LRRC1: variants seen among roughly 807,000 people sequenced by gnomAD.
LRRC1 encodes the protein leucine rich repeat containing 1.
LRRC1 carries 28 observed loss-of-function variants against 69.9 expected under a neutral mutation model. The ratio of observed to expected loss-of-function variants is 0.40; its 90% CI spans 0.30 to 0.55. The LOEUF is 0.55. LRRC1 is among the 20% of genes least tolerant of loss of function. The pLI is 0.47. For synonymous variants in LRRC1, 236 were observed against 240.2 expected (o/e 0.98, Z 0.16); for missense variants, 498 against 609.0 (o/e 0.82, Z 1.92).
At chr6:53,883,122 A>G in intron 4 of LRRC1, 146 bp downstream of exon 4, 1 of 589,418 alleles carries the variant, frequency 1.7e-6, no homozygotes, top group Non-Finnish European at 2.9e-6. Flanking sequence ...GAAAGATTAT[A>G]GCCAGCCTCC....
intron 2 of LRRC1, among the ~76,000 whole-genome samples, chr6:53,842,618 G>T (rs954181923): frequency 2.0e-5 from 3 of 152,120 alleles, no homozygotes; most frequent in Admixed American, 6.6e-5. Context: ...CACTTATTTT[G>T]CTGAACATGA....
intron 1 of LRRC1, among the ~76,000 whole-genome samples, chr6:53,834,116 G>A (rs576709567): frequency 9.2e-5 from 14 of 152,184 alleles, no homozygotes; most frequent in African/African-American, 2.4e-4. Flanking sequence ...TTGCTGTATC[G>A]TATTATAAAC....
intron 11 of LRRC1, among the ~76,000 whole-genome samples, chr6:53,914,453 G>T (rs1768505639): frequency 6.6e-6 from 1 of 152,150 alleles, no homozygotes; most frequent in Non-Finnish European, 1.5e-5. Flanking sequence ...TGTATTTAGG[G>T]AAGTGTTTAC....
At chr6:53,810,036 T>G (rs1764747072) in intron 1 of LRRC1, among the ~76,000 whole-genome samples, 1 of 152,144 alleles carries the variant, frequency 6.6e-6, no homozygotes. Flanking sequence ...TTATTTTAAA[T>G]TTTGACTCTG....
chr6:53,867,584 T>C (rs1341600712), intron 2 of LRRC1, among the ~76,000 whole-genome samples: 1 of 152,234 alleles, frequency 6.6e-6, no homozygotes, highest in Non-Finnish European at 1.5e-5. Context: ...TCAAATTTTA[T>C]GCTTTTATTC....
At chr6:53,921,242 A>G (rs1162960105) in intron 13 of LRRC1, among the ~76,000 whole-genome samples, 1 of 152,206 alleles carries the variant, frequency 6.6e-6, no homozygotes, top group Non-Finnish European at 1.5e-5. Flanking sequence ...TGCTGGGACT[A>G]CAGGCATGAG....
intron 2 of LRRC1, among the ~76,000 whole-genome samples, chr6:53,842,851 G>T (rs1765833023): frequency 6.6e-6 from 1 of 152,216 alleles, no homozygotes; most frequent in Admixed American, 6.5e-5. Context: ...TGGTATATTT[G>T]TGAGTTTATT....
chr6:53,795,740 C>A (rs1227501433), intron 1 of LRRC1, among the ~76,000 whole-genome samples: 1 of 152,184 alleles, frequency 6.6e-6, no homozygotes, highest in Admixed American at 6.5e-5. Flanking sequence ...AGGTGAGAAG[C>A]CGGGTGATTC....
At chr6:53,804,834 G>T (rs538571371) in intron 1 of LRRC1, among the ~76,000 whole-genome samples, 1 of 152,282 alleles carries the variant, frequency 6.6e-6, no homozygotes, top group African/African-American at 2.4e-5. Context: ...CAGTTTTTTA[G>T]TCAGAGTTGG....
At chr6:53,897,950 A>G (rs551779003) in intron 7 of LRRC1, among the ~76,000 whole-genome samples, 1 of 152,340 alleles carries the variant, frequency 6.6e-6, no homozygotes, top group Non-Finnish European at 1.5e-5. Context: ...AGACAGGCCT[A>G]CATTCTAAGA....
intron 2 of LRRC1, among the ~76,000 whole-genome samples, chr6:53,846,463 T>G (rs1207364105): frequency 6.6e-6 from 1 of 152,242 alleles, no homozygotes; most frequent in Admixed American, 6.5e-5. Flanking sequence ...CGGTCGACTT[T>G]GGGCAGGCCC....
At chr6:53,877,068 A>G (rs1767096268) in intron 2 of LRRC1, among the ~76,000 whole-genome samples, 2 of 152,118 alleles carry the variant, frequency 1.3e-5, no homozygotes, top group African/African-American at 2.4e-5. Flanking sequence ...ATTTCCATAC[A>G]TCTTCTGAAA....
intron 11 of LRRC1, among the ~76,000 whole-genome samples, chr6:53,916,529 G>GA (rs1034712853): frequency 1.6e-4 from 24 of 150,380 alleles, no homozygotes; most frequent in South Asian, 8.4e-4. Context: ...CCTTAAAAAA[G>GA]AAAAAAAAAT....
chr6:53,883,828 C>A, intron 4 of LRRC1: 1 of 683,764 alleles, frequency 1.5e-6, no homozygotes, highest in Non-Finnish European at 2.7e-6. Flanking sequence ...GAAACTTGCT[C>A]TTTGAGAACC....
intron 10 of LRRC1, among the ~76,000 whole-genome samples, chr6:53,909,771 A>G (rs902064754): frequency 1.3e-5 from 2 of 152,168 alleles, no homozygotes; most frequent in African/African-American, 4.8e-5. Context: ...TATGCTTCAT[A>G]TTATTTTTGT....
chr6:53,880,048 T>C (rs540050867), intron 3 of LRRC1, among the ~76,000 whole-genome samples: 87 of 152,332 alleles, frequency 5.7e-4, no homozygotes, highest in Admixed American at 2.1e-3. Context: ...CTTTTTTCTT[T>C]TGATCTAGGA....
At chr6:53,883,239 G>T (rs753969311) in intron 4 of LRRC1, among the ~76,000 whole-genome samples, 8 of 152,204 alleles carry the variant, frequency 5.3e-5, no homozygotes, top group Admixed American at 2.6e-4. Flanking sequence ...TTAAACTGAT[G>T]TATGGCAAAG....
intron 2 of LRRC1, among the ~76,000 whole-genome samples, chr6:53,868,295 C>A (rs1191952255): frequency 6.7e-6 from 1 of 150,194 alleles, no homozygotes; most frequent in African/African-American, 2.5e-5. Flanking sequence ...GATCTTGGCT[C>A]ACGGCAACCT....
chr6:53,886,280 A>C (rs1767475749), intron 4 of LRRC1, among the ~76,000 whole-genome samples: 1 of 152,184 alleles, frequency 6.6e-6, no homozygotes, highest in South Asian at 2.1e-4. Flanking sequence ...CATATTTCTG[A>C]TCAGAAAAAC....
Sources: allele counts gnomAD v4.1 joint callset (sites outside exome capture counted in the v4.1 genomes callset), GRCh38; gene constraint gnomAD v4.1.1; transcripts MANE v1.5; gene names NCBI Gene and HGNC (gene_info 2026-07-23, HGNC 2026-07-21).